The following ARHGAP10 variants were observed in gnomAD, a reference collection of about 807,000 sequenced individuals.
ARHGAP10 encodes Rho GTPase activating protein 10, also known as rho GTPase-activating protein 10.
Under a neutral mutation model 108.6 loss-of-function variants are expected in ARHGAP10, and 87 were observed. The observed-to-expected ratio is 0.80, with a 90% CI of 0.67 to 0.96. The LOEUF (loss-of-function observed/expected upper bound fraction) is 0.96, where lower values mean the gene tolerates loss of function less well. Among genes scored for constraint, ARHGAP10 ranks in the 40% least tolerant of loss-of-function variants. The pLI, the probability that ARHGAP10 is intolerant of heterozygous loss-of-function variation, is 0.00. For missense variants in ARHGAP10, 939 were observed against 954.5 expected, an observed-to-expected ratio of 0.98 and a Z score of 0.21; for synonymous variants, 347 against 341.1, an observed-to-expected ratio of 1.02 and a Z score of -0.19.
At chr4:147,967,265 A>G (rs1739239088) in intron 18 of ARHGAP10, among the ~76,000 whole-genome samples, 1 of 152,270 alleles carries the variant, frequency 6.6e-6, no homozygotes, top group Non-Finnish European at 1.5e-5. Flanking sequence ...AGATGGGGCC[A>G]GAGGACCATG....
At chr4:147,972,056 G>A (rs998366145) in intron 18 of ARHGAP10, among the ~76,000 whole-genome samples, 2 of 152,122 alleles carry the variant, frequency 1.3e-5, no homozygotes, top group Non-Finnish European at 2.9e-5. Flanking sequence ...GGGGTTTGGG[G>A]GAGGAGTAAG....
chr4:147,773,470 C>T (rs1730156782), intron 1 of ARHGAP10, among the ~76,000 whole-genome samples: 1 of 152,088 alleles, frequency 6.6e-6, no homozygotes, highest in East Asian at 1.9e-4. Context: ...TTACAGCTGC[C>T]CAGAGACAGC....
At chr4:147,864,725 T>C (rs1183875367) in intron 5 of ARHGAP10, 121 bp from the exon 6 acceptor site, 2 of 735,312 alleles carry the variant, frequency 2.7e-6, no homozygotes, top group South Asian at 1.9e-5. Context: ...TGCAATACTT[T>C]ATTTACAAAA....
rs570587689 is a variant in ARHGAP10, at chr4:147,818,432, G to A, written c.155-4295G>A. Among the ~76,000 whole-genome samples the A allele has an allele frequency of 3.2e-4, 49 of 152,112 alleles. 1 individual carries two copies. Among genetic ancestry groups the A allele is most frequent in the African/African-American group, 1.0e-3 (42 of 41,516 alleles). ...AATAAAAAAATTAGCTGGGGGTGAT[G>A]GCATATGCCTGTAATTCCAGCCACT... On this transcript the variant is annotated intron_variant, in intron 1 of 22. Coordinates refer to ENST00000336498, the MANE Select transcript of ARHGAP10 (RefSeq NM_024605.4).
At chr4:148,027,532 T>C (rs1727927351) in intron 19 of ARHGAP10, among the ~76,000 whole-genome samples, 3 of 152,204 alleles carry the variant, frequency 2.0e-5, no homozygotes, top group Admixed American at 1.3e-4. Flanking sequence ...AATACTACTG[T>C]TGAGCGGGGC....
chr4:148,003,220 C>T (rs903136177), intron 18 of ARHGAP10, among the ~76,000 whole-genome samples: 9 of 152,066 alleles, frequency 5.9e-5, no homozygotes, highest in South Asian at 2.1e-4. Flanking sequence ...TGTAGTTGAT[C>T]GGTTTTGAGT....
rs529775120 is a variant in ARHGAP10, at chr4:148,019,491, C to A, written c.1717-3772C>A. Among the ~76,000 whole-genome samples the A allele has an allele frequency of 2.6e-5, 4 of 152,238 alleles. No individual in the cohort carries two copies. The South Asian group carries it at 8.3e-4, about 32-fold the overall frequency. Reference sequence around the variant, plus strand: ...CCCGGCATGGGCATGGTGGCTCACACCTGTAATCCCAGCACTTTAGGTGGC... The same window carrying A: ...CCCGGCATGGGCATGGTGGCTCACAACTGTAATCCCAGCACTTTAGGTGGC... On this transcript the variant is annotated intron_variant, in intron 18 of 22. Transcript: ENST00000336498.
intron 10 of ARHGAP10, among the ~76,000 whole-genome samples, chr4:147,898,562 A>G (rs1468885538): frequency 6.6e-6 from 1 of 151,886 alleles, no homozygotes; most frequent in African/African-American, 2.4e-5. Context: ...ATCTCTTCAA[A>G]TGTGTCTTCT....
At chr4:147,995,687 CA>C (rs1240649918) in intron 18 of ARHGAP10, among the ~76,000 whole-genome samples, 1 of 152,088 alleles carries the variant, frequency 6.6e-6, no homozygotes, top group Non-Finnish European at 1.5e-5. Context: ...GACCAGCAAA[CA>C]AAATTTCCAA....
chr4:147,805,428 T>C (rs1731743621), intron 1 of ARHGAP10, among the ~76,000 whole-genome samples: 2 of 152,234 alleles, frequency 1.3e-5, no homozygotes. Flanking sequence ...TTATTCCTTT[T>C]GCTTAGAATT....
At position 147,946,589 on chromosome 4, in the gene ARHGAP10, A is replaced by AT. The variant is rs747813897; in HGVS notation, c.1304-21dup. ...ACCTTTGATGATCAAGGTTTTAATTATTTTTTTCTTGTTTGCTTGCTCACT... is the reference window on the plus strand; with the variant it reads ...ACCTTTGATGATCAAGGTTTTAATTATTTTTTTTCTTGTTTGCTTGCTCACT... On this transcript the variant is annotated intron_variant, in intron 14 of 22. Coordinates refer to ENST00000336498, the MANE Select transcript of ARHGAP10 (RefSeq NM_024605.4). 6 of 1,597,438 alleles carry AT rather than the reference A, an allele frequency of 3.8e-6. No individual in the cohort carries two copies. In the South Asian group the frequency reaches 6.7e-5, roughly 18 times the overall value.
intron 19 of ARHGAP10, among the ~76,000 whole-genome samples, chr4:148,028,880 C>T (rs1727999200): frequency 6.6e-6 from 1 of 152,182 alleles, no homozygotes; most frequent in Admixed American, 6.5e-5. Context: ...ATAAAGTGGA[C>T]ATTATTCGCC....
At chr4:148,024,865 G>A (rs990776690) in intron 19 of ARHGAP10, among the ~76,000 whole-genome samples, 10 of 152,108 alleles carry the variant, frequency 6.6e-5, no homozygotes, top group Admixed American at 5.9e-4. Context: ...AGTGAAATAA[G>A]CAAATGTTGG....
intron 16 of ARHGAP10, among the ~76,000 whole-genome samples, chr4:147,962,191 G>C (rs1227870021): frequency 6.6e-6 from 1 of 152,192 alleles, no homozygotes; most frequent in East Asian, 1.9e-4. Context: ...GGTGGAATTG[G>C]CCCTGTTGCC....
Position 147,939,819 on chromosome 4 carries a change from C to T in ARHGAP10, c.1229-6C>T. The T allele has an allele frequency of 6.2e-7, 1 of 1,613,152 alleles. No individual in the cohort carries two copies. Among genetic ancestry groups the T allele is most frequent in the Non-Finnish European group, 8.5e-7 (1 of 1,179,282 alleles). ...TATTTTGCTAATAGTTTGTTTCTTC[C>T]CATAGGTATAAATGACCAAGGATTG... is the stretch of plus-strand genomic sequence containing the variant. On this transcript the variant is annotated splice_region_variant and splice_polypyrimidine_tract_variant and intron_variant, in intron 13 of 22. Coordinates refer to ENST00000336498, the MANE Select transcript of ARHGAP10 (RefSeq NM_024605.4).
At chr4:147,938,513 C>T (rs1344571158) in intron 13 of ARHGAP10, among the ~76,000 whole-genome samples, 1 of 152,048 alleles carries the variant, frequency 6.6e-6, no homozygotes, top group African/African-American at 2.4e-5. Context: ...ATCTCATTTC[C>T]CTCCCAGCAT....
intron 3 of ARHGAP10, among the ~76,000 whole-genome samples, chr4:147,825,176 A>G (rs1358272981): frequency 7.8e-5 from 1 of 12,848 alleles, no homozygotes; most frequent in Non-Finnish European, 1.5e-4. Flanking sequence ...GGCTGGGCGC[A>G]GTGGCTGATG....
chr4:147,756,744 A>G (rs1403242992), intron 1 of ARHGAP10, among the ~76,000 whole-genome samples: 3 of 152,166 alleles, frequency 2.0e-5, no homozygotes, highest in Non-Finnish European at 4.4e-5. Flanking sequence ...CTTGGAATAT[A>G]TCCTCCCTGG....
Position 147,856,964 on chromosome 4 carries a change from C to G in ARHGAP10, c.385-589C>G, listed in dbSNP as rs557871866. Among the ~76,000 whole-genome samples the G allele has an allele frequency of 2.6e-5, 4 of 152,274 alleles. No homozygotes were observed. In the South Asian group the frequency reaches 8.3e-4, roughly 32 times the overall value. On this transcript the variant is annotated intron_variant, in intron 4 of 22. Coordinates refer to ENST00000336498, the MANE Select transcript of ARHGAP10 (RefSeq NM_024605.4). ...GCCTCTGGGGTTCAAGTGATTCTCA[C>G]GCCTCAGCCTCCTGAGTAGCTGGGA...
Sources: allele counts gnomAD v4.1 joint callset (sites outside exome capture counted in the v4.1 genomes callset), GRCh38; gene constraint gnomAD v4.1.1; transcripts MANE v1.5; gene names NCBI Gene and HGNC (gene_info 2026-07-23, HGNC 2026-07-21).